The following DACH2 variants were observed in gnomAD, a reference collection of about 807,000 sequenced individuals.
DACH2 encodes dachshund homolog 2.
DACH2 carries 17 observed loss-of-function variants against 35.8 expected under a neutral mutation model. The ratio of observed to expected loss-of-function variants is 0.48; its 90% CI spans 0.33 to 0.71. DACH2 has a LOEUF of 0.71. Ranked by LOEUF, DACH2 falls within the 30% of genes least tolerant of loss-of-function variation. DACH2 has a pLI of 0.02. For synonymous variants in DACH2, 195 were observed against 177.3 expected (o/e 1.10, Z -0.79); for missense variants, 469 against 472.7 (o/e 0.99, Z 0.07).
At chrX:86,257,687 C>T (rs908368910) in intron 1 of DACH2, among the ~76,000 whole-genome samples, 4 of 112,050 alleles carry the variant, frequency 3.6e-5, no homozygotes, top group African/African-American at 1.3e-4. Flanking sequence ...GGATTACAGG[C>T]GTGAGCCACC....
In DACH2 at chrX:86,768,900, G is replaced by A. The variant is rs190690044; in HGVS notation, c.1240+29018G>A. Among the ~76,000 whole-genome samples the A allele has an allele frequency of 1.7e-3, 186 of 110,942 alleles. 1 individual carries two copies. The highest frequency in any genetic ancestry group is 2.1e-3 in the Non-Finnish European group (113 of 52,948). On this transcript the variant is annotated intron_variant, in intron 7 of 11. Transcript: ENST00000373125. The stretch of plus-strand genomic sequence containing the variant: ...AACTCTCACTTGTAAGTGAGAACAC[G>A]CAATATTTGGTTTTCTGTTTCTGTG...
At chrX:86,301,157 G>A (rs1333081036) in intron 1 of DACH2, among the ~76,000 whole-genome samples, 3 of 111,649 alleles carry the variant, frequency 2.7e-5, no homozygotes, top group Non-Finnish European at 3.8e-5. Flanking sequence ...CCATTATTTG[G>A]GGCTTTCTCT....
At chrX:86,608,230 C>G (rs2039885494) in intron 3 of DACH2, among the ~76,000 whole-genome samples, 1 of 111,179 alleles carries the variant, frequency 9.0e-6, no homozygotes, top group Admixed American at 9.5e-5. Flanking sequence ...CCATCTCACA[C>G]CAGTTAGAAT....
chrX:86,424,824 A>G (rs903929069), intron 2 of DACH2, among the ~76,000 whole-genome samples: 1 of 111,106 alleles, frequency 9.0e-6, no homozygotes, highest in Non-Finnish European at 1.9e-5. Context: ...GTCTGCTTAT[A>G]TGGCTTTCAT....
chrX:86,781,702 T>G, intron 7 of DACH2, among the ~76,000 whole-genome samples: 1 of 111,062 alleles, frequency 9.0e-6, no homozygotes, highest in Admixed American at 9.7e-5. Flanking sequence ...TATATGGGGA[T>G]TTTATGCAGA....
intron 1 of DACH2, among the ~76,000 whole-genome samples, chrX:86,229,838 A>AT (rs201551134): frequency 2.7e-5 from 3 of 109,694 alleles, no homozygotes; most frequent in East Asian, 2.9e-4. Context: ...ACTTTGCTGA[A>AT]TTTTTTTGTC....
At chrX:86,439,527 T>C (rs2037125310) in intron 2 of DACH2, among the ~76,000 whole-genome samples, 1 of 111,634 alleles carries the variant, frequency 9.0e-6, no homozygotes. Context: ...CTTTATAGCT[T>C]TTGGTCTCAC....
At chrX:86,196,154 G>C (rs904084476) in intron 1 of DACH2, among the ~76,000 whole-genome samples, 1 of 111,387 alleles carries the variant, frequency 9.0e-6, no homozygotes, top group Non-Finnish European at 1.9e-5. Flanking sequence ...AGATGCAAGA[G>C]TACATTGACA....
At chrX:86,784,093 A>G (rs1471950596) in intron 7 of DACH2, among the ~76,000 whole-genome samples, 1 of 110,376 alleles carries the variant, frequency 9.1e-6, no homozygotes, top group African/African-American at 3.3e-5. Context: ...AAATCATCCC[A>G]TGTACCCCAC....
At chrX:86,584,099 C>A (rs2148343378) in intron 3 of DACH2, among the ~76,000 whole-genome samples, 1 of 110,995 alleles carries the variant, frequency 9.0e-6, no homozygotes, top group Non-Finnish European at 1.9e-5. Context: ...ACTATGAATT[C>A]AATTTCTTTG....
chrX:86,318,280 T>C (rs2034951716), intron 1 of DACH2, among the ~76,000 whole-genome samples: 1 of 111,704 alleles, frequency 9.0e-6, no homozygotes, highest in Admixed American at 9.5e-5. Flanking sequence ...TATAGTTCAG[T>C]CCATTCCATT....
At chrX:86,260,066 C>CA (rs1569319912) in intron 1 of DACH2, among the ~76,000 whole-genome samples, 1 of 110,428 alleles carries the variant, frequency 9.1e-6, no homozygotes, top group Non-Finnish European at 1.9e-5. Flanking sequence ...CAAGATATTT[C>CA]AAAAAAATCT....
rs768385110 is a variant in DACH2 at position 86,464,248 on chromosome X, T to TA, written c.528-50030dup. Among the ~76,000 whole-genome samples the TA allele has an allele frequency of 6.3e-5, 7 of 111,304 alleles. No homozygotes were observed. In the East Asian group the frequency reaches 1.4e-3, roughly 22 times the overall value. ...ATGTTTATTCTGGCACTATTCACAA[T>TA]AGCAAAGACTTGGAACCAACCCAAA... On this transcript the variant is annotated intron_variant, in intron 2 of 11. Transcript: ENST00000373125.
intron 2 of DACH2, among the ~76,000 whole-genome samples, chrX:86,430,805 C>T (rs769816026): frequency 4.5e-5 from 5 of 112,192 alleles, no homozygotes; most frequent in East Asian, 2.8e-4. Context: ...AGTGTGCTCA[C>T]GTAACTCAAA....
intron 1 of DACH2, among the ~76,000 whole-genome samples, chrX:86,235,369 T>C (rs764776665): frequency 1.6e-4 from 18 of 112,690 alleles, no homozygotes; most frequent in African/African-American, 5.8e-4. Context: ...GACCTCCATG[T>C]ACAGCTATAC....
At chrX:86,536,934 C>T (rs1350436810) in intron 3 of DACH2, among the ~76,000 whole-genome samples, 2 of 110,988 alleles carry the variant, frequency 1.8e-5, no homozygotes, top group East Asian at 2.8e-4. Flanking sequence ...TATATTGGCT[C>T]ACAGTTCTAG....
chrX:86,726,570 G>A (rs1163297253), intron 6 of DACH2, among the ~76,000 whole-genome samples: 1 of 111,768 alleles, frequency 8.9e-6, no homozygotes, highest in Non-Finnish European at 1.9e-5. Flanking sequence ...TGTCAGTGCT[G>A]CCTTGGGGCA....
At chrX:86,254,799 TATATATATAGAGAGAG>T (rs1310389275) in intron 1 of DACH2, among the ~76,000 whole-genome samples, 1 of 68,216 alleles carries the variant, frequency 1.5e-5, no homozygotes, top group Non-Finnish European at 2.5e-5. Flanking sequence ...TATATATATA[TATATATATAGAGAGAG>T]AGAGAGAGAG....
intron 3 of DACH2, among the ~76,000 whole-genome samples, chrX:86,554,904 CAATT>C (rs755419953): frequency 7.8e-4 from 87 of 111,429 alleles, no homozygotes; most frequent in Middle Eastern, 9.3e-3. Context: ...TGCTTTTTGT[CAATT>C]AATGCTTTAC....
Sources: allele counts gnomAD v4.1 joint callset (sites outside exome capture counted in the v4.1 genomes callset), GRCh38; gene constraint gnomAD v4.1.1; transcripts MANE v1.5; gene names NCBI Gene and HGNC (gene_info 2026-07-23, HGNC 2026-07-21).